The following ATP10B variants were observed in gnomAD, a reference collection of about 807,000 sequenced individuals.
ATP10B encodes the protein ATPase phospholipid transporting 10B (putative).
Under a neutral mutation model 141.2 loss-of-function variants are expected in ATP10B, and 122 were observed. The observed-to-expected ratio is 0.86, with a 90% CI of 0.75 to 1.00. The LOEUF is 1.00. Ranked by LOEUF, ATP10B falls within the 50% of genes least tolerant of loss-of-function variation. The pLI is 0.00. For missense variants in ATP10B, 1,876 were observed against 1,825.3 expected, an observed-to-expected ratio of 1.03 and a Z score of -0.51; for synonymous variants, 685 against 692.0, an observed-to-expected ratio of 0.99 and a Z score of 0.16.
intron 14 of ATP10B, 141 bp downstream of exon 14, chr5:160,622,253 G>A: frequency 3.8e-6 from 3 of 786,248 alleles, no homozygotes; most frequent in Non-Finnish European, 5.9e-6. Flanking sequence ...ACCTATTCTA[G>A]GTTTCACTGT....
At chr5:160,610,944 C>T (rs1418901592) in intron 18 of ATP10B, among the ~76,000 whole-genome samples, 2 of 152,054 alleles carry the variant, frequency 1.3e-5, no homozygotes, top group African/African-American at 4.8e-5. Flanking sequence ...GATAATAATC[C>T]TAAATCAATT....
chr5:160,615,976 GA>G lies in ATP10B; in HGVS notation c.2527-13del. 2 of 1,608,562 alleles carry G rather than the reference GA, an allele frequency of 1.2e-6. No individual in the cohort carries two copies. The highest frequency in any genetic ancestry group is 1.7e-6 in the Non-Finnish European group (2 of 1,175,698). ...TCTTCGCTTACAACCTATGGGATGG[GA>G]AAAGGCTCCTTAACAATCTTGGGTG... is the stretch of plus-strand genomic sequence containing the variant. On this transcript the variant is annotated splice_polypyrimidine_tract_variant and intron_variant, in intron 16 of 25. Coordinates refer to ENST00000327245, the MANE Select transcript of ATP10B (RefSeq NM_025153.3).
At chr5:160,661,768 A>T (rs1262714749) in intron 7 of ATP10B, among the ~76,000 whole-genome samples, 1 of 152,178 alleles carries the variant, frequency 6.6e-6, no homozygotes, top group Non-Finnish European at 1.5e-5. Context: ...CACCACTCTT[A>T]TTCAACATAG....
intron 12 of ATP10B, chr5:160,632,617 G>A: frequency 5.4e-6 from 1 of 186,494 alleles, no homozygotes; most frequent in Non-Finnish European, 9.4e-6. Flanking sequence ...TATTTCCTCA[G>A]AGGTTTTTTT....
At chr5:160,845,388 A>C (rs1776059331) in intron 1 of ATP10B, among the ~76,000 whole-genome samples, 1 of 152,068 alleles carries the variant, frequency 6.6e-6, no homozygotes, top group Non-Finnish European at 1.5e-5. Flanking sequence ...TGGTGTTGGA[A>C]ATTAGGAATG....
At chr5:160,802,710 C>A (rs776003519) in intron 1 of ATP10B, among the ~76,000 whole-genome samples, 2 of 152,312 alleles carry the variant, frequency 1.3e-5, no homozygotes, top group Non-Finnish European at 2.9e-5. Flanking sequence ...AAGTTAGTTG[C>A]TAATGGCTTC....
chr5:160,689,116 C>G (rs1053251713), intron 3 of ATP10B, among the ~76,000 whole-genome samples, 173 bp from the exon 4 acceptor site: 3 of 152,164 alleles, frequency 2.0e-5, no homozygotes, highest in Admixed American at 6.5e-5. Context: ...AAACAGACAC[C>G]ATGACAAAAA....
chr5:160,640,571 A>C lies in ATP10B; in HGVS notation c.890T>G (p.Leu297Arg). ...IYAGHETKAM[L>R]NNSGPRYKRS... ...TTTGTACCGGGGGCCACTGTTGTTCAGCATGGCTTTCGTCTCATGGCCTTT... is the reference window on the plus strand; with the variant it reads ...TTTGTACCGGGGGCCACTGTTGTTCCGCATGGCTTTCGTCTCATGGCCTTT... The change falls in exon 10 of 26, where the codon CTG becomes CGG. Residue 297 changes from leucine (L) to arginine (R), a missense_variant. Coordinates refer to ENST00000327245, the MANE Select transcript of ATP10B (RefSeq NM_025153.3). The C allele has an allele frequency of 1.2e-6, 2 of 1,614,140 alleles. No homozygotes were observed. The highest frequency in any genetic ancestry group is 1.7e-6 in the Non-Finnish European group (2 of 1,179,978).
intron 18 of ATP10B, 131 bp downstream of exon 18, chr5:160,612,610 T>C (rs1581199780): frequency 4.3e-6 from 3 of 699,770 alleles, no homozygotes; most frequent in Middle Eastern, 4.1e-4. Context: ...GACTCCAAGA[T>C]TCAGTGATCT....
intron 1 of ATP10B, among the ~76,000 whole-genome samples, chr5:160,802,473 G>A (rs991758072): frequency 3.9e-5 from 6 of 152,174 alleles, no homozygotes; most frequent in Non-Finnish European, 7.3e-5. Flanking sequence ...GAAGTCTACC[G>A]ATATCTAGAT....
the ATP10B span, among the ~76,000 whole-genome samples, chr5:160,882,008 A>T: frequency 6.6e-6 from 1 of 152,316 alleles, no homozygotes; most frequent in Middle Eastern, 3.4e-3. Context: ...TAAAGAAGCC[A>T]ATCTAAAGAG....
chr5:160,723,556 C>T (rs945471036), intron 2 of ATP10B, among the ~76,000 whole-genome samples: 3 of 152,152 alleles, frequency 2.0e-5, no homozygotes, highest in African/African-American at 7.2e-5. Flanking sequence ...CATAATTTGT[C>T]CCCAAATGGC....
intron 1 of ATP10B, among the ~76,000 whole-genome samples, chr5:160,821,887 A>C (rs1774137171): frequency 6.6e-6 from 1 of 152,234 alleles, no homozygotes; most frequent in African/African-American, 2.4e-5. Flanking sequence ...CTTAAATCTA[A>C]GACCTTAAAC....
At chr5:160,645,960 C>T (rs188909803) in intron 8 of ATP10B, among the ~76,000 whole-genome samples, 11 of 152,304 alleles carry the variant, frequency 7.2e-5, no homozygotes, top group Admixed American at 6.5e-4. Context: ...GAGTGCTATA[C>T]TGCCACTCAA....
intron 2 of ATP10B, among the ~76,000 whole-genome samples, chr5:160,749,365 A>T (rs573923140): frequency 6.6e-6 from 1 of 152,276 alleles, no homozygotes; most frequent in East Asian, 1.9e-4. Context: ...AGAGCTAGAC[A>T]CGCATGGCAG....
intron 1 of ATP10B, among the ~76,000 whole-genome samples, chr5:160,823,460 G>T (rs1456682425): frequency 6.6e-6 from 1 of 152,074 alleles, no homozygotes. Flanking sequence ...TAGGTGATGG[G>T]TTGATAGGTA....
chr5:160,563,510 T>C lies in ATP10B; in HGVS notation c.*1943A>G, dbSNP rs1754369066. On this transcript the variant is annotated 3_prime_UTR_variant, in exon 26 of 26. Coordinates refer to ENST00000327245, the MANE Select transcript of ATP10B (RefSeq NM_025153.3). ...CTTCTCCACCTATTTTCCCTTTAGC[T>C]GTGAAATAAAAATCCCTTTTGTTAT... 1 of 152,230 alleles carries C rather than the reference T, an allele frequency of 6.6e-6. No homozygotes were observed. The highest frequency in any genetic ancestry group is 2.4e-5 in the African/African-American group (1 of 41,474). 9.4% of individuals were successfully genotyped at this position (152,230 alleles called of 1,614,324 possible). A position where few individuals can be genotyped will look rare whatever the true frequency, so the allele number is the denominator to read the frequency against.
chr5:160,655,768 C>T (rs1043626468), intron 7 of ATP10B, among the ~76,000 whole-genome samples: 1 of 152,178 alleles, frequency 6.6e-6, no homozygotes, highest in African/African-American at 2.4e-5. Context: ...TTCATGCGTG[C>T]ATTCAAGCTT....
At chr5:160,600,238 G>T (rs1278790919) in intron 21 of ATP10B, among the ~76,000 whole-genome samples, 1 of 152,154 alleles carries the variant, frequency 6.6e-6, no homozygotes, top group Non-Finnish European at 1.5e-5. Context: ...CCACTCTACA[G>T]ATGAAGAATC....
Sources: gnomAD v4.1 joint callset for allele counts (sites outside exome capture counted in the v4.1 genomes callset) on GRCh38, gnomAD v4.1.1 for gene constraint, MANE v1.5 for transcripts, NCBI Gene and HGNC (gene_info 2026-07-23, HGNC 2026-07-21) for gene names.